The following CPS1 variants were observed in gnomAD, a reference collection of about 807,000 sequenced individuals.
The protein encoded by CPS1 is carbamoyl-phosphate synthase 1.
A neutral mutation model predicts 174.6 loss-of-function variants in CPS1; 109 were observed. The ratio of observed to expected loss-of-function variants is 0.62; its 90% CI spans 0.53 to 0.73. The LOEUF (loss-of-function observed/expected upper bound fraction) is 0.73. Ranked by LOEUF, CPS1 falls within the 30% of genes least tolerant of loss-of-function variation. The pLI, the probability that CPS1 is intolerant of heterozygous loss-of-function variation, is 0.00. For synonymous variants in CPS1, 637 were observed against 632.0 expected, an observed-to-expected ratio of 1.01 and a Z score of -0.12; for missense variants, 1,689 against 1,821.9, an observed-to-expected ratio of 0.93 and a Z score of 1.33.
intron 30 of CPS1, chr2:210,657,677 C>G (rs1043478885): frequency 5.9e-5 from 9 of 152,342 alleles, no homozygotes; most frequent in Admixed American, 3.3e-4. Context: ...CAGGCTCAGG[C>G]TCAGCTCTTT....
intron 1 of CPS1, among the ~76,000 whole-genome samples, chr2:210,529,260 A>G (rs984099928): frequency 3.3e-5 from 5 of 151,940 alleles, no homozygotes; most frequent in African/African-American, 1.2e-4. Flanking sequence ...CTAAAACATC[A>G]TTTAGACATT....
intron 36 of CPS1, 107 bp from the exon 37 acceptor site, chr2:210,676,900 C>A: frequency 1.9e-6 from 2 of 1,030,112 alleles, no homozygotes; most frequent in South Asian, 1.3e-5. Flanking sequence ...GCAGTCAACT[C>A]AGCATGGCAT....
At chr2:210,635,950 G>T (rs1383636378) in intron 21 of CPS1, among the ~76,000 whole-genome samples, 1 of 152,124 alleles carries the variant, frequency 6.6e-6, no homozygotes, top group African/African-American at 2.4e-5. Flanking sequence ...ACACCAGCTT[G>T]ATTTTTTCTT....
intron 1 of CPS1, among the ~76,000 whole-genome samples, chr2:210,478,809 G>C (rs1231417488): frequency 1.3e-5 from 2 of 152,006 alleles, no homozygotes; most frequent in East Asian, 3.9e-4. Flanking sequence ...TAAACGGAAG[G>C]GAAGTAGAAT....
intron 32 of CPS1, among the ~76,000 whole-genome samples, chr2:210,661,425 A>G (rs1417409691): frequency 6.6e-6 from 1 of 152,182 alleles, no homozygotes; most frequent in Non-Finnish European, 1.5e-5. Context: ...TAATATTGAT[A>G]TATTTATGTA....
chr2:210,614,586 G>A (rs897072176), intron 20 of CPS1, among the ~76,000 whole-genome samples: 1 of 151,892 alleles, frequency 6.6e-6, no homozygotes, highest in South Asian at 2.1e-4. Flanking sequence ...TTTAATGACA[G>A]CCATTCTAAC....
At position 210,590,222 on chromosome 2, in the gene CPS1, G is replaced by C; in HGVS notation, c.828G>C (p.Gln276His). 1 of 1,612,734 alleles carries C rather than the reference G, an allele frequency of 6.2e-7. No homozygotes were observed. The highest frequency in any genetic ancestry group is 8.5e-7 in the Non-Finnish European group (1 of 1,179,050). ...GNPALAEPLI[Q>H]NVRKILESDR... ...CAGCTCTTGCAGAACCACTAATTCA[G>C]AATGTCAGAAAGGTGCAATGAACCT... Residue 276 changes from glutamine to histidine, a missense_variant, in exon 8 of 38, where the codon CAG (glutamine) becomes CAC (histidine). Physicochemically the swap from Gln to His is conservative, Grantham distance 24. Transcript: ENST00000233072.
chr2:210,577,987 C>T (rs1697771944), intron 4 of CPS1, among the ~76,000 whole-genome samples: 1 of 151,900 alleles, frequency 6.6e-6, no homozygotes, highest in Middle Eastern at 3.2e-3. Context: ...AAGCAGATTA[C>T]CATCAAGTCT....
chr2:210,607,898 A>G (rs912841410), intron 18 of CPS1, among the ~76,000 whole-genome samples: 1 of 151,972 alleles, frequency 6.6e-6, no homozygotes, highest in Non-Finnish European at 1.5e-5. Context: ...CAAGGACCCA[A>G]ACTTGAAATG....
intron 1 of CPS1, among the ~76,000 whole-genome samples, chr2:210,506,250 C>T (rs142581727): frequency 0.02 from 3,069 of 152,158 alleles, 93 homozygotes; most frequent in African/African-American, 0.071. Flanking sequence ...CTGCAGCCTC[C>T]GCTTCTGATA....
intron 1 of CPS1, among the ~76,000 whole-genome samples, chr2:210,483,918 A>T (rs144910205): frequency 2.0e-5 from 3 of 152,142 alleles, no homozygotes; most frequent in Non-Finnish European, 4.4e-5. Flanking sequence ...TTGCTCATTC[A>T]TTGATCCATT....
At chr2:210,533,130 C>T (rs777856779) in intron 1 of CPS1, among the ~76,000 whole-genome samples, 3 of 152,028 alleles carry the variant, frequency 2.0e-5, no homozygotes, top group Non-Finnish European at 4.4e-5. Context: ...GAATTGCCAC[C>T]TGGTGAGGTC....
At position 210,637,759 on chromosome 2, in the gene CPS1, G is replaced by A. The variant is rs143659334; in HGVS notation, c.2745G>A (p.Lys915=). The A allele has an allele frequency of 1.1e-5, 18 of 1,613,870 alleles. No homozygotes were observed. In the African/African-American group the frequency reaches 1.7e-4, roughly 16 times the overall value. ...CAAAGGAGATTGGGTTCTCAGATAA[G>A]CAGATTTCAAAATGCCTTGGGCTCA... ...KRAKEIGFSD[K]QISKCLGLTE... is the part of the protein sequence containing the mutation. The change falls in exon 22 of 38, where the codon AAG becomes AAA. Residue 915 remains lysine, a synonymous_variant. Coordinates refer to ENST00000233072, the MANE Select transcript of CPS1 (RefSeq NM_001875.5).
In CPS1 at chr2:210,525,806, G is replaced by GGAGAGA. The variant is rs3060375; in HGVS notation, c.4-30897_4-30892dup. On this transcript the variant is annotated intron_variant, in intron 1 of 38. Transcript: ENST00000430249. ...TAGTACATTCCAAGCAAAGTAAAAT[G>GGAGAGA]GAGAGAGAGAGAGAGAGAGAGGGAG... is the stretch of plus-strand genomic sequence containing the variant. Among the ~76,000 whole-genome samples, 899 of 144,326 alleles carry GGAGAGA rather than the reference G, an allele frequency of 6.2e-3. 8 individuals carry two copies. Among genetic ancestry groups the GGAGAGA allele is most frequent in the African/African-American group, 0.022 (850 of 38,634 alleles). The allele number at this position is 144,326 out of a possible 152,430, so 94.7% of individuals were successfully genotyped here. A position where few individuals can be genotyped will look rare whatever the true frequency, so the allele number is the denominator to read the frequency against.
In CPS1 at chr2:210,616,425, C is replaced by T. The variant is rs1316902506; in HGVS notation, c.2571C>T (p.Ala857=). The change falls in exon 21 of 38, where the codon GCC becomes GCT. Residue 857 remains alanine, a splice_region_variant and synonymous_variant. Coordinates refer to ENST00000233072, the MANE Select transcript of CPS1 (RefSeq NM_001875.5). ...SSTRIYAIAK[A]IDDNMSLDEI... ...AGTATCTCTTCTCCTCTTGGCAGGC[C>T]ATTGATGACAACATGTCCCTTGATG... The T allele has an allele frequency of 6.2e-7, 1 of 1,603,408 alleles. No homozygotes were observed. Among genetic ancestry groups the T allele is most frequent in the African/African-American group, 1.3e-5 (1 of 74,648 alleles).
At chr2:210,579,106 T>C (rs1697816943) in intron 4 of CPS1, among the ~76,000 whole-genome samples, 1 of 152,202 alleles carries the variant, frequency 6.6e-6, no homozygotes, top group Non-Finnish European at 1.5e-5. Context: ...AGAACATGTT[T>C]TCATTTTTTA....
At chr2:210,519,690 C>A in intron 1 of CPS1, 1 of 955,850 alleles carries the variant, frequency 1.0e-6, no homozygotes, top group Non-Finnish European at 1.2e-6. Context: ...CCAAGCCCCA[C>A]CAGTCAGACA....
At chr2:210,512,736 TTATATATATATATATATATATATATATA>T (rs71043996) in intron 1 of CPS1, among the ~76,000 whole-genome samples, 1 of 46,772 alleles carries the variant, frequency 2.1e-5, no homozygotes, top group African/African-American at 1.0e-4. Context: ...TCCAGTAGTT[TTATATATATATATATATATATATATATA>T]TATATATATA....
chr2:210,604,956 A>G, intron 16 of CPS1, 146 bp from the exon 17 acceptor site: 1 of 788,016 alleles, frequency 1.3e-6, no homozygotes, highest in Admixed American at 2.1e-5. Flanking sequence ...TTTCTGACAC[A>G]TTGTGCCTTC....
Sources: allele counts gnomAD v4.1 joint callset (sites outside exome capture counted in the v4.1 genomes callset), GRCh38; gene constraint gnomAD v4.1.1; transcripts MANE v1.5; gene names NCBI Gene and HGNC (gene_info 2026-07-23, HGNC 2026-07-21).